The following SCLT1 variants were observed in gnomAD, a reference collection of about 807,000 sequenced individuals.
SCLT1 encodes the protein sodium channel and clathrin linker 1, also known as sodium channel-associated protein 1.
In SCLT1, 78 loss-of-function variants were observed where a neutral mutation model predicts 112.8. The ratio of observed to expected loss-of-function variants is 0.69; its 90% CI spans 0.58 to 0.83. The LOEUF (loss-of-function observed/expected upper bound fraction) is 0.83. Ranked by LOEUF, SCLT1 falls within the 40% of genes least tolerant of loss-of-function variation. The pLI is 0.00. For synonymous variants in SCLT1, 257 were observed against 254.7 expected (o/e 1.01, Z -0.09); for missense variants, 747 against 770.4 (o/e 0.97, Z 0.36).
chr4:129,065,140 G>A (rs1750363701), intron 2 of SCLT1, among the ~76,000 whole-genome samples: 1 of 151,730 alleles, frequency 6.6e-6, no homozygotes, highest in Non-Finnish European at 1.5e-5. Context: ...TGTACATTTT[G>A]AAGCTTGAAG....
chr4:128,945,451 AT>A (rs1364723688), intron 16 of SCLT1, among the ~76,000 whole-genome samples: 1 of 152,196 alleles, frequency 6.6e-6, no homozygotes, highest in Non-Finnish European at 1.5e-5. Context: ...ACTAAAAAAA[AT>A]CTTTATTAAT....
intron 2 of SCLT1, among the ~76,000 whole-genome samples, chr4:129,070,091 GC>G (rs2125750971): frequency 6.6e-6 from 1 of 152,218 alleles, no homozygotes; most frequent in Admixed American, 6.5e-5. Context: ...CATCCCTGCA[GC>G]CCTGCTCTAA....
chr4:128,954,630 T>A (rs1739071126), intron 13 of SCLT1, among the ~76,000 whole-genome samples: 1 of 152,192 alleles, frequency 6.6e-6, no homozygotes, highest in African/African-American at 2.4e-5. Flanking sequence ...TTAAAGGTTA[T>A]AATTTGATGT....
At chr4:129,086,978 C>T (rs1255199936) in intron 1 of SCLT1, among the ~76,000 whole-genome samples, 1 of 152,178 alleles carries the variant, frequency 6.6e-6, no homozygotes, top group Non-Finnish European at 1.5e-5. Flanking sequence ...TTATAGTACA[C>T]TAGACATCAG....
intron 8 of SCLT1, among the ~76,000 whole-genome samples, chr4:128,994,275 GTTTAGTC>G (rs1411230158): frequency 6.6e-6 from 1 of 152,046 alleles, no homozygotes; most frequent in Non-Finnish European, 1.5e-5. Context: ...ATCATACAGT[GTTTAGTC>G]TTTCTGTGAC....
rs138388584 is a variant in SCLT1 at position 128,910,312 on chromosome 4, A to C, written c.1830-19175T>G. Among the ~76,000 whole-genome samples the C allele has an allele frequency of 3.5e-3, 539 of 152,306 alleles. 2 individuals are homozygous for C. The highest frequency in any genetic ancestry group is 4.4e-3 in the Non-Finnish European group (302 of 68,022). On this transcript the variant is annotated intron_variant, in intron 18 of 20. Transcript: ENST00000281142. ...CATTTTGCCAATTTGCTGGGTAAAA[A>C]TTATTGCTTAAATTTGCATCTCTTT...
chr4:129,005,910 G>T (rs538440118), intron 5 of SCLT1, among the ~76,000 whole-genome samples: 1 of 149,920 alleles, frequency 6.7e-6, no homozygotes, highest in Non-Finnish European at 1.5e-5. Context: ...GTAAACTATC[G>T]CAAGGACAAA....
intron 9 of SCLT1, among the ~76,000 whole-genome samples, chr4:128,981,351 C>T (rs756111579): frequency 2.0e-5 from 3 of 152,126 alleles, no homozygotes; most frequent in Non-Finnish European, 4.4e-5. Context: ...CACTAGCCAC[C>T]AAGTTAGGAT....
chr4:128,914,670 C>T (rs1032302083), intron 18 of SCLT1, among the ~76,000 whole-genome samples: 2 of 152,024 alleles, frequency 1.3e-5, no homozygotes, highest in Non-Finnish European at 2.9e-5. Context: ...TGAAAGCTGA[C>T]TATAGAGGTG....
intron 20 of SCLT1, among the ~76,000 whole-genome samples, chr4:128,887,234 C>T (rs1282402877): frequency 6.6e-6 from 1 of 152,138 alleles, no homozygotes; most frequent in East Asian, 1.9e-4. Flanking sequence ...TACCTTATAA[C>T]CTAAATACAT....
intron 1 of SCLT1, 136 bp downstream of exon 1, chr4:129,092,934 T>G: frequency 1.5e-6 from 1 of 686,070 alleles, no homozygotes; most frequent in Non-Finnish European, 2.6e-6. Context: ...CATCAAGGTT[T>G]TTTTTTTCCT....
intron 13 of SCLT1, among the ~76,000 whole-genome samples, chr4:128,954,511 C>T (rs1222914597): frequency 6.6e-6 from 1 of 152,054 alleles, no homozygotes; most frequent in Non-Finnish European, 1.5e-5. Flanking sequence ...GACGGGGTTT[C>T]ACCGTGTTAG....
rs200406419 is a variant in SCLT1 at position 128,960,995 on chromosome 4, CA to C, written c.870-1219del. Reference sequence around the variant, plus strand: ...AACCCTTAGTCTGTCCTTTATGCTGCAAATTTTTTTTTTTCCAAATCTACTT... The same window carrying C: ...AACCCTTAGTCTGTCCTTTATGCTGCAATTTTTTTTTTTCCAAATCTACTT... On this transcript the variant is annotated intron_variant, in intron 11 of 20. Coordinates refer to ENST00000281142, the MANE Select transcript of SCLT1 (RefSeq NM_144643.4). Among the ~76,000 whole-genome samples, 30 of 64,270 alleles carry C rather than the reference CA, an allele frequency of 4.7e-4. 1 individual carries two copies. The highest frequency in any genetic ancestry group is 2.6e-3 in the Admixed American group (17 of 6,440). 42.2% of individuals were successfully genotyped at this position (64,270 alleles called of 152,430 possible).
rs548107672 is a variant in SCLT1, at chr4:129,079,561, C to A, written c.102+2745G>T. ...AGGGGTGGGCTCCCACAGCCTTGGG[C>A]AGCTCTGCCTCTGTTGCTCTGCAGG... On this transcript the variant is annotated intron_variant, in intron 2 of 20. Transcript: ENST00000281142. 2.0e-5 allele frequency among the ~76,000 whole-genome samples: 3 copies of A among 152,344 alleles called. No individual in the cohort carries two copies. In the East Asian group the frequency reaches 5.8e-4, roughly 29 times the overall value.
At position 128,972,760 on chromosome 4, in the gene SCLT1, C is replaced by A. The variant is rs1045498209; in HGVS notation, c.687-2292G>T. On this transcript the variant is annotated intron_variant, in intron 9 of 20. Transcript: ENST00000281142. ...ACTCATAAGACTATTCCAGTAGATT[C>A]CAAACTCATCTCTTCACTGATGGTC... 7.2e-5 allele frequency among the ~76,000 whole-genome samples: 11 copies of A among 152,308 alleles called. No homozygotes were observed. In the East Asian group the frequency reaches 7.7e-4, roughly 11 times the overall value.
chr4:129,001,642 TG>T (rs1313583309), intron 6 of SCLT1, among the ~76,000 whole-genome samples: 1 of 152,122 alleles, frequency 6.6e-6, no homozygotes, highest in Admixed American at 6.6e-5. Context: ...TCTTCCAAAC[TG>T]ACTTCTAGAA....
intron 5 of SCLT1, among the ~76,000 whole-genome samples, chr4:129,023,904 A>G (rs1281341744): frequency 6.6e-6 from 1 of 152,222 alleles, no homozygotes; most frequent in Non-Finnish European, 1.5e-5. Flanking sequence ...CCTGGCTTGG[A>G]GGGTCCTACG....
chr4:128,897,900 A>T (rs1324781255), intron 18 of SCLT1, among the ~76,000 whole-genome samples: 1 of 152,072 alleles, frequency 6.6e-6, no homozygotes, highest in African/African-American at 2.4e-5. Flanking sequence ...AGACTTTAAA[A>T]CAACAAAGAT....
At chr4:128,892,862 G>T (rs1441965029) in intron 18 of SCLT1, among the ~76,000 whole-genome samples, 2 of 152,042 alleles carry the variant, frequency 1.3e-5, no homozygotes, top group Non-Finnish European at 2.9e-5. Flanking sequence ...AAAATATATT[G>T]TTTTAGCTTT....
Sources: allele counts gnomAD v4.1 joint callset (sites outside exome capture counted in the v4.1 genomes callset), GRCh38; gene constraint gnomAD v4.1.1; transcripts MANE v1.5; gene names NCBI Gene and HGNC (gene_info 2026-07-23, HGNC 2026-07-21).